Variants in CLSTN2 observed in about 807,000 individuals in gnomAD.
The protein encoded by CLSTN2 is calsyntenin-2.
CLSTN2 carries 48 observed loss-of-function variants against 101.2 expected under a neutral mutation model. That is an observed-to-expected ratio of 0.47 (90% CI 0.38 to 0.60). The LOEUF (loss-of-function observed/expected upper bound fraction) is 0.60, where lower values mean the gene tolerates loss of function less well. Among genes scored for constraint, CLSTN2 ranks in the 20% least tolerant of loss-of-function variants. The probability of loss-of-function intolerance (pLI) is 0.00; values close to 1 mark genes in which losing one functional copy is unlikely to be tolerated. For missense variants in CLSTN2, 1,160 were observed against 1,238.2 expected (o/e 0.94, Z 0.95); for synonymous variants, 481 against 463.6 (o/e 1.04, Z -0.48).
Position 140,575,019 on chromosome 3 carries a change from C to T in CLSTN2, c.*8766C>T, listed in dbSNP as rs1985688668. On this transcript the variant is annotated 3_prime_UTR_variant, in exon 17 of 17. Coordinates refer to ENST00000458420, the MANE Select transcript of CLSTN2 (RefSeq NM_022131.3). The stretch of plus-strand genomic sequence containing the variant: ...TCCATCCTGGCCAATATAGAACACT[C>T]ACATCTGGAGCCCACGCCCACCCAC... The T allele has an allele frequency of 6.6e-6, 1 of 152,262 alleles. No individual in the cohort carries two copies. The highest frequency in any genetic ancestry group is 2.1e-4 in the South Asian group (1 of 4,826). The allele number at this position is 152,262 out of a possible 1,614,324, so 9.4% of individuals were successfully genotyped here.
intron 2 of CLSTN2, among the ~76,000 whole-genome samples, chr3:140,249,896 G>A (rs535141736): frequency 6.6e-6 from 1 of 152,252 alleles, no homozygotes; most frequent in African/African-American, 2.4e-5. Flanking sequence ...ACTCCGCAGG[G>A]CAACAGCTGG....
chr3:140,484,291 C>A (rs1934191841), intron 8 of CLSTN2, among the ~76,000 whole-genome samples: 1 of 152,104 alleles, frequency 6.6e-6, no homozygotes, highest in African/African-American at 2.4e-5. Flanking sequence ...GAATATTGGC[C>A]CCCACTCTCT....
intron 5 of CLSTN2, among the ~76,000 whole-genome samples, chr3:140,436,085 C>T (rs1266174484): frequency 6.6e-6 from 1 of 152,162 alleles, no homozygotes; most frequent in African/African-American, 2.4e-5. Flanking sequence ...GATGTGATCC[C>T]ATTTGTCCAT....
intron 1 of CLSTN2, among the ~76,000 whole-genome samples, chr3:140,119,331 G>A (rs2009301226): frequency 6.6e-6 from 1 of 152,228 alleles, no homozygotes; most frequent in Admixed American, 6.5e-5. Context: ...GCTGAGGCTT[G>A]GAAGGAAAGA....
intron 8 of CLSTN2, among the ~76,000 whole-genome samples, chr3:140,517,027 A>C (rs529797548): frequency 6.6e-6 from 1 of 152,110 alleles, no homozygotes; most frequent in Non-Finnish European, 1.5e-5. Context: ...TTTTTAAAAA[A>C]TTCTTTCTTC....
intron 2 of CLSTN2, among the ~76,000 whole-genome samples, chr3:140,277,932 CAGA>C (rs1386330864): frequency 2.0e-5 from 3 of 152,346 alleles, no homozygotes; most frequent in Non-Finnish European, 4.4e-5. Flanking sequence ...GCAGTGCTTT[CAGA>C]AGAAGGATTA....
chr3:140,232,444 C>A (rs1276302171), intron 2 of CLSTN2, among the ~76,000 whole-genome samples: 6 of 152,054 alleles, frequency 3.9e-5, no homozygotes, highest in Non-Finnish European at 5.9e-5. Flanking sequence ...CCATCTCTCC[C>A]CAGGGGTCCC....
intron 1 of CLSTN2, among the ~76,000 whole-genome samples, chr3:140,103,070 CATT>C (rs139200391): frequency 0.013 from 2,012 of 152,264 alleles, 47 homozygotes; most frequent in African/African-American, 0.046. Flanking sequence ...TAGCAACCAG[CATT>C]ATTATTTAAT....
chr3:140,063,434 G>T (rs2008243065), intron 1 of CLSTN2, among the ~76,000 whole-genome samples: 1 of 152,106 alleles, frequency 6.6e-6, no homozygotes, highest in Non-Finnish European at 1.5e-5. Flanking sequence ...TAAAGCTCCT[G>T]CTTTCTTCAC....
In CLSTN2 at chr3:140,463,962, C is replaced by T. The variant is rs569879889; in HGVS notation, c.1223-2648C>T. ...AGCATCTTTCGCATGAGGAATTTGCCGCAAGCACAAATGTCCCAGCCACCC... is the reference window on the plus strand; with the variant it reads ...AGCATCTTTCGCATGAGGAATTTGCTGCAAGCACAAATGTCCCAGCCACCC... On this transcript the variant is annotated intron_variant, in intron 7 of 16. Transcript: ENST00000458420. 4.5e-4 allele frequency among the ~76,000 whole-genome samples: 69 copies of T among 152,154 alleles called. 1 individual carries two copies. Among genetic ancestry groups the T allele is most frequent in the African/African-American group, 1.3e-3 (54 of 41,518 alleles).
chr3:140,516,179 A>G (rs1204153442), intron 8 of CLSTN2, among the ~76,000 whole-genome samples: 3 of 152,080 alleles, frequency 2.0e-5, no homozygotes, highest in African/African-American at 7.2e-5. Flanking sequence ...GACCATTTGC[A>G]TGGAATATAT....
At chr3:139,959,865 A>G (rs1430321261) in intron 1 of CLSTN2, among the ~76,000 whole-genome samples, 1 of 152,110 alleles carries the variant, frequency 6.6e-6, no homozygotes, top group African/African-American at 2.4e-5. Flanking sequence ...CATTCTTTGG[A>G]TTATCTTATC....
At chr3:139,993,452 A>G (rs756010935) in intron 1 of CLSTN2, among the ~76,000 whole-genome samples, 3 of 152,154 alleles carry the variant, frequency 2.0e-5, no homozygotes, top group Admixed American at 6.5e-5. Context: ...TCTGCAAGGA[A>G]GAGGAGGGGT....
chr3:140,475,222 G>C (rs182303539), intron 8 of CLSTN2, among the ~76,000 whole-genome samples: 1 of 152,188 alleles, frequency 6.6e-6, no homozygotes, highest in Non-Finnish European at 1.5e-5. Flanking sequence ...GTCACCAAGA[G>C]ACCACAGTGA....
intron 1 of CLSTN2, among the ~76,000 whole-genome samples, chr3:139,943,239 G>C (rs1003028158): frequency 6.6e-6 from 1 of 152,112 alleles, no homozygotes; most frequent in Non-Finnish European, 1.5e-5. Context: ...CTCATGTCTG[G>C]TTGATCCTAT....
At chr3:140,324,893 A>T (rs749980843) in intron 2 of CLSTN2, among the ~76,000 whole-genome samples, 1 of 152,230 alleles carries the variant, frequency 6.6e-6, no homozygotes, top group Admixed American at 6.5e-5. Context: ...GATGGTGACC[A>T]CAGAAATGTG....
At chr3:140,233,231 C>T (rs2086386423) in intron 2 of CLSTN2, among the ~76,000 whole-genome samples, 1 of 152,156 alleles carries the variant, frequency 6.6e-6, no homozygotes. Context: ...TTCCTCCCGC[C>T]TCTAGCTTTT....
At chr3:140,053,694 C>T (rs1220169334) in intron 1 of CLSTN2, among the ~76,000 whole-genome samples, 6 of 152,288 alleles carry the variant, frequency 3.9e-5, no homozygotes, top group Admixed American at 2.6e-4. Context: ...CTTCCTTCTC[C>T]AAAGATCTGC....
At chr3:139,970,740 G>C (rs1361865936) in intron 1 of CLSTN2, among the ~76,000 whole-genome samples, 2 of 152,174 alleles carry the variant, frequency 1.3e-5, no homozygotes, top group Non-Finnish European at 2.9e-5. Flanking sequence ...GAGCTGACCA[G>C]GTGCTGAAAT....
Sources: gnomAD v4.1 joint callset for allele counts (sites outside exome capture counted in the v4.1 genomes callset) on GRCh38, gnomAD v4.1.1 for gene constraint, MANE v1.5 for transcripts, NCBI Gene and HGNC (gene_info 2026-07-23, HGNC 2026-07-21) for gene names.